Variants in EIF3E observed in about 807,000 individuals in gnomAD.
EIF3E encodes the protein eIF-3 p48.
A neutral mutation model predicts 59.3 loss-of-function variants in EIF3E; 25 were observed. That is an observed-to-expected ratio of 0.42 (90% CI 0.31 to 0.59). The LOEUF is 0.59. EIF3E is among the 20% of genes least tolerant of loss of function. The pLI, the probability that EIF3E is intolerant of heterozygous loss-of-function variation, is 0.15. For synonymous variants in EIF3E, 176 were observed against 170.2 expected (o/e 1.03, Z -0.26); for missense variants, 317 against 534.3 (o/e 0.59, Z 4.01).
chr8:108,238,810 C>G (rs868602481), intron 3 of EIF3E, among the ~76,000 whole-genome samples: 2 of 152,146 alleles, frequency 1.3e-5, no homozygotes, highest in African/African-American at 2.4e-5. Flanking sequence ...AGGTATAGCA[C>G]GGCAAAATAT....
intron 10 of EIF3E, among the ~76,000 whole-genome samples, chr8:108,211,205 T>C (rs1008905758): frequency 1.3e-5 from 2 of 152,184 alleles, no homozygotes; most frequent in African/African-American, 4.8e-5. Context: ...TAGTTTACAG[T>C]CCCACCAACA....
At chr8:108,209,478 A>C (rs1019253546) in intron 10 of EIF3E, among the ~76,000 whole-genome samples, 1 of 152,152 alleles carries the variant, frequency 6.6e-6, no homozygotes, top group Non-Finnish European at 1.5e-5. Context: ...GAAATTTCCC[A>C]AAATTACAAA....
At chr8:108,246,781 G>A (rs1240022352) in intron 1 of EIF3E, among the ~76,000 whole-genome samples, 1 of 152,026 alleles carries the variant, frequency 6.6e-6, no homozygotes, top group Non-Finnish European at 1.5e-5. Flanking sequence ...TCATGATGAT[G>A]TACTTCCACT....
In EIF3E at chr8:108,248,683, G is replaced by C. The variant is rs1292093954; in HGVS notation, c.20C>G (p.Thr7Ser). 2 of 1,614,188 alleles carry C rather than the reference G, an allele frequency of 1.2e-6. No individual in the cohort carries two copies. Among genetic ancestry groups the C allele is most frequent in the Non-Finnish European group, 1.7e-6 (2 of 1,180,020 alleles). Residue 7 changes from threonine (T) to serine (S), a missense_variant, in exon 1 of 13, where the codon ACT becomes AGT. Thr to Ser is a moderately conservative substitution (Grantham distance 58). Transcript: ENST00000220849. ...ATCCAAAAAGTGCGCGATGCGAGTA[G>C]TCAAGTCGTACTCCGCCATCTTGCC... is the stretch of plus-strand genomic sequence containing the variant. The part of the protein sequence containing the change: MAEYDL[T>S]TRIAHFLDRH...
chr8:108,241,746 TAC>T, intron 2 of EIF3E, 51 bp downstream of exon 2: 5 of 1,096,900 alleles, frequency 4.6e-6, no homozygotes, highest in Non-Finnish European at 6.5e-6. Flanking sequence ...AAAACTTTAA[TAC>T]ACACATCCTC....
chr8:108,229,343 A>T, intron 5 of EIF3E, 148 bp from the exon 6 acceptor site: 1 of 715,068 alleles, frequency 1.4e-6, no homozygotes, highest in Non-Finnish European at 2.1e-6. Context: ...TTATTGGATC[A>T]CACTGGTTTG....
intron 7 of EIF3E, among the ~76,000 whole-genome samples, chr8:108,225,937 TTAA>T (rs1815508464): frequency 6.6e-6 from 1 of 152,224 alleles, no homozygotes; most frequent in Non-Finnish European, 1.5e-5. Flanking sequence ...TTACCATTTA[TTAA>T]TGAGAAAATT....
At chr8:108,204,107 G>A (rs1034446500) in intron 10 of EIF3E, among the ~76,000 whole-genome samples, 6 of 151,888 alleles carry the variant, frequency 4.0e-5, no homozygotes, top group African/African-American at 1.4e-4. Context: ...AGACACTTGG[G>A]AATCTATGAA....
chr8:108,236,513 T>A (rs1779830525), intron 3 of EIF3E, among the ~76,000 whole-genome samples: 1 of 152,192 alleles, frequency 6.6e-6, no homozygotes, highest in Admixed American at 6.5e-5. Flanking sequence ...TCTGACTATT[T>A]CTAGTAAGGT....
chr8:108,218,244 A>G (rs1273897526), intron 7 of EIF3E, among the ~76,000 whole-genome samples: 1 of 152,148 alleles, frequency 6.6e-6, no homozygotes. Context: ...CCATCCAGCT[A>G]CATCTCCCAT....
intron 9 of EIF3E, among the ~76,000 whole-genome samples, chr8:108,215,594 G>A (rs950977441): frequency 2.0e-5 from 3 of 151,978 alleles, no homozygotes; most frequent in African/African-American, 4.8e-5. Flanking sequence ...CTCCAGCCTC[G>A]GCAACAGAGT....
Position 108,217,441 on chromosome 8 carries a change from T to C in EIF3E, c.742A>G (p.Thr248Ala). The change falls in exon 8 of 13, where the codon ACA becomes GCA. Residue 248 changes from threonine to alanine, a missense_variant. Transcript: ENST00000220849. ...YQPQYLNAIQ[T>A]MCPHILRYLT... ...TAGCGAAGAATGTGTGGACACATTG[T>C]CTGAATTGCATTAAGATATCTAAGA... The C allele has an allele frequency of 6.2e-7, 1 of 1,600,976 alleles. No individual in the cohort carries two copies. The highest frequency in any genetic ancestry group is 2.2e-5 in the East Asian group (1 of 44,586).
At chr8:108,229,810 A>T (rs1483832049) in intron 5 of EIF3E, among the ~76,000 whole-genome samples, 1 of 152,088 alleles carries the variant, frequency 6.6e-6, no homozygotes, top group African/African-American at 2.4e-5. Flanking sequence ...CCCATTTCAA[A>T]ATGGGAACTA....
At chr8:108,228,214 C>T in intron 7 of EIF3E, 53 bp downstream of exon 7, 1 of 1,475,856 alleles carries the variant, frequency 6.8e-7, no homozygotes, top group Admixed American at 2.4e-5. Flanking sequence ...GTTTAAACAA[C>T]TCCATGTAAT....
chr8:108,228,961 A>G lies in EIF3E; in HGVS notation c.597+109T>C, dbSNP rs941652453. 3.3e-6 allele frequency: 4 copies of G among 1,200,044 alleles called. No individual in the cohort carries two copies. In the African/African-American group the frequency reaches 6.2e-5, roughly 19 times the overall value. The allele number at this position is 1,200,044 out of a possible 1,614,324, so 74.3% of individuals were successfully genotyped here. On this transcript the variant is annotated intron_variant, in intron 6 of 12. Coordinates refer to ENST00000220849, the MANE Select transcript of EIF3E (RefSeq NM_001568.3). ...ATTTTTGTAAGGTCAACAAAAGCTA[A>G]TATGAATTTTTTTTTTTAATTCCCA...
intron 7 of EIF3E, among the ~76,000 whole-genome samples, chr8:108,226,925 T>C (rs1815526783): frequency 6.6e-6 from 1 of 152,248 alleles, no homozygotes; most frequent in Admixed American, 6.5e-5. Context: ...AGAATTCTTA[T>C]TATTTCATTT....
At chr8:108,223,560 A>T (rs1815460153) in intron 7 of EIF3E, among the ~76,000 whole-genome samples, 1 of 152,196 alleles carries the variant, frequency 6.6e-6, no homozygotes, top group South Asian at 2.1e-4. Context: ...TTTATTGAGA[A>T]AACAAAATAC....
At chr8:108,237,274 C>T (rs751126333) in intron 3 of EIF3E, among the ~76,000 whole-genome samples, 8 of 152,274 alleles carry the variant, frequency 5.3e-5, no homozygotes, top group Non-Finnish European at 5.9e-5. Flanking sequence ...TTTTTTGAGA[C>T]GGAGTCTCAC....
chr8:108,245,870 A>G (rs1261526275), intron 1 of EIF3E, among the ~76,000 whole-genome samples: 1 of 152,236 alleles, frequency 6.6e-6, no homozygotes, highest in East Asian at 1.9e-4. Context: ...TACTACAAAT[A>G]TATGAAACTG....
Sources: allele counts gnomAD v4.1 joint callset (sites outside exome capture counted in the v4.1 genomes callset), GRCh38; gene constraint gnomAD v4.1.1; transcripts MANE v1.5; gene names NCBI Gene and HGNC (gene_info 2026-07-23, HGNC 2026-07-21).